The following ZNF441 variants were observed in gnomAD, a reference collection of about 807,000 sequenced individuals.
ZNF441 encodes zinc finger protein 441.
A neutral mutation model predicts 64.5 loss-of-function variants in ZNF441; 25 were observed. The ratio of observed to expected loss-of-function variants is 0.39; its 90% CI spans 0.28 to 0.54. The LOEUF (loss-of-function observed/expected upper bound fraction) is 0.54. Ranked by LOEUF, ZNF441 falls within the 20% of genes least tolerant of loss-of-function variation. The pLI, the probability that ZNF441 is intolerant of heterozygous loss-of-function variation, is 0.70. For missense variants in ZNF441, 715 were observed against 843.3 expected, an observed-to-expected ratio of 0.85 and a Z score of 1.88; for synonymous variants, 262 against 268.0, an observed-to-expected ratio of 0.98 and a Z score of 0.22.
chr19:11,776,405 T>C (rs1975355406), intron 1 of ZNF441, among the ~76,000 whole-genome samples: 1 of 152,252 alleles, frequency 6.6e-6, no homozygotes, highest in South Asian at 2.1e-4. Context: ...TATCTGTTTT[T>C]GGAAAGCTGT....
chr19:11,767,079 T>C lies in ZNF441; in HGVS notation c.-115T>C, dbSNP rs547672164. 1.3e-6 allele frequency: 2 copies of C among 1,504,894 alleles called. No homozygotes were observed. The highest frequency in any genetic ancestry group is 1.4e-5 in the African/African-American group (1 of 72,102). 93.2% of individuals were successfully genotyped at this position (1,504,894 alleles called of 1,614,324 possible). ...TCTTCTCCACGCCCCTGCACTGGGCTCCGGGTTCTGTCACTGAGAGACGCC... is the reference window on the plus strand; with the variant it reads ...TCTTCTCCACGCCCCTGCACTGGGCCCCGGGTTCTGTCACTGAGAGACGCC... On this transcript the variant is annotated 5_prime_UTR_variant, in exon 1 of 4. Transcript: ENST00000357901. The surrounding 1 kb of genome is among the most constrained non-coding windows in gnomAD (Gnocchi z 5.1).
Position 11,774,748 on chromosome 19 carries a change from T to C in ZNF441, c.4-2863T>C, listed in dbSNP as rs532328112. Among the ~76,000 whole-genome samples the C allele has an allele frequency of 3.6e-4, 55 of 152,362 alleles. No individual in the cohort carries two copies. In the South Asian group the frequency reaches 0.011, roughly 30 times the overall value. Reference sequence around the variant, plus strand: ...CTTTAAAGTTTTTATTCAATAAGTCTAATGTCTGAGGTTCTCAGAGATGGT... The same window carrying C: ...CTTTAAAGTTTTTATTCAATAAGTCCAATGTCTGAGGTTCTCAGAGATGGT... On this transcript the variant is annotated intron_variant, in intron 1 of 3. Coordinates refer to ENST00000357901, the MANE Select transcript of ZNF441 (RefSeq NM_152355.3).
Position 11,784,050 on chromosome 19 carries a change from A to G in ZNF441, c.*2144A>G, listed in dbSNP as rs556821100. 2.0e-5 allele frequency: 3 copies of G among 152,334 alleles called. No homozygotes were observed. The highest frequency in any genetic ancestry group is 2.9e-5 in the Non-Finnish European group (2 of 68,032). 9.4% of individuals were successfully genotyped at this position (152,334 alleles called of 1,614,324 possible). On this transcript the variant is annotated 3_prime_UTR_variant, in exon 4 of 4. Transcript: ENST00000357901. The stretch of plus-strand genomic sequence containing the variant: ...TATATGTAAAATATGTATCAATAAA[A>G]GAAAATATATAAGATAGTTTTAAAA...
chr19:11,772,743 C>T (rs944211052), intron 1 of ZNF441, among the ~76,000 whole-genome samples: 3 of 152,100 alleles, frequency 2.0e-5, no homozygotes, highest in African/African-American at 7.2e-5. Context: ...TGGGGTGGCA[C>T]ATCCAGCCAC....
At position 11,781,570 on chromosome 19, in the gene ZNF441, T is replaced by C; in HGVS notation, c.1746T>C (p.Thr582=). ...TTCGAAGACACATGATAACACATAC[T>C]GGAAATGGACCTCATAAATGTAAGA... ...SSFRRHMITH[T]GNGPHKCKIC... Residue 582 remains threonine, a synonymous_variant, in exon 4 of 4, where the codon ACT becomes ACC. Coordinates refer to ENST00000357901, the MANE Select transcript of ZNF441 (RefSeq NM_152355.3). 6.2e-7 allele frequency: 1 copy of C among 1,614,080 alleles called. No individual in the cohort carries two copies. The highest frequency in any genetic ancestry group is 8.5e-7 in the Non-Finnish European group (1 of 1,179,984).
At chr19:11,775,361 G>A (rs535937104) in intron 1 of ZNF441, among the ~76,000 whole-genome samples, 4 of 152,158 alleles carry the variant, frequency 2.6e-5, no homozygotes, top group South Asian at 4.1e-4. Context: ...ATGGAGTCTC[G>A]CGCTGTCGCC....
rs1380805015 is a variant in ZNF441 at position 11,767,514 on chromosome 19, G to T, written c.3+318G>T. On this transcript the variant is annotated intron_variant, in intron 1 of 3. Coordinates refer to ENST00000357901, the MANE Select transcript of ZNF441 (RefSeq NM_152355.3). This position sits in a 1 kb window ranked among gnomAD's most constrained non-coding sequence, Gnocchi z 5.1. ...GCCCGAGTCACTGCACCGAGACGCC[G>T]AGGGCTGCAGCAGAAACAGTTTAAT... Among the ~76,000 whole-genome samples, 3 of 152,242 alleles carry T rather than the reference G, an allele frequency of 2.0e-5. No homozygotes were observed. The highest frequency in any genetic ancestry group is 4.4e-5 in the Non-Finnish European group (3 of 68,042).
Position 11,767,226 on chromosome 19 carries a change from C to A in ZNF441, c.3+30C>A, listed in dbSNP as rs1324323618. 1 of 1,556,666 alleles carries A rather than the reference C, an allele frequency of 6.4e-7. No individual in the cohort carries two copies. The highest frequency in any genetic ancestry group is 1.9e-5 in the Admixed American group (1 of 51,460). The stretch of plus-strand genomic sequence containing the variant: ...GTGTGTGAGGTCTGGTGTCCCGACG[C>A]GTGAGAGGAGAGACTGGTTGGAACC... On this transcript the variant is annotated intron_variant, in intron 1 of 3. Coordinates refer to ENST00000357901, the MANE Select transcript of ZNF441 (RefSeq NM_152355.3). The surrounding 1 kb of genome is among the most constrained non-coding windows in gnomAD (Gnocchi z 5.1).
rs1450818605 is a variant in ZNF441, at chr19:11,783,661, C to G, written c.*1755C>G. 6.6e-6 allele frequency: 1 copy of G among 151,942 alleles called. No homozygotes were observed. The highest frequency in any genetic ancestry group is 1.5e-5 in the Non-Finnish European group (1 of 67,976). The allele number at this position is 151,942 out of a possible 1,614,324, so 9.4% of individuals were successfully genotyped here. On this transcript the variant is annotated 3_prime_UTR_variant, in exon 4 of 4. Coordinates refer to ENST00000357901, the MANE Select transcript of ZNF441 (RefSeq NM_152355.3). ...AGGTCATTATGGTAAGTGAAATAAGCCAGGCACAGAAAGACAAATACCACA... is the reference window on the plus strand; with the variant it reads ...AGGTCATTATGGTAAGTGAAATAAGGCAGGCACAGAAAGACAAATACCACA...
At position 11,780,068 on chromosome 19, in the gene ZNF441, G is replaced by A; in HGVS notation, c.244G>A (p.Gly82Arg). The A allele has an allele frequency of 6.2e-7, 1 of 1,614,114 alleles. No homozygotes were observed. The highest frequency in any genetic ancestry group is 8.5e-7 in the Non-Finnish European group (1 of 1,179,964). The change falls in exon 4 of 4, where the codon GGA becomes AGA. Residue 82 changes from glycine to arginine, a missense_variant. By Grantham distance (125) the Gly-to-Arg change is moderately radical. Around this residue, in one of 2 missense-constraint regions of ZNF441, gnomAD observed 399 missense variants for 413.9 expected, o/e 0.96. Transcript: ENST00000357901. ...TGAAATTAAAGATAATAGTCAATGT[G>A]GAGGACCCTTTACCCAGACTCAAGA... ...ACEIKDNSQC[G>R]GPFTQTQDSI...
Position 11,780,523 on chromosome 19 carries a change from T to G in ZNF441, c.699T>G (p.Phe233Leu), listed in dbSNP as rs1470795404. ...PYEYEQCSTA[F>L]PAYSSTLRHE... Reference sequence around the variant, plus strand: ...AATATGAGCAGTGTTCTACAGCGTTTCCTGCTTATAGTTCCACTCTAAGAC... The same window carrying G: ...AATATGAGCAGTGTTCTACAGCGTTGCCTGCTTATAGTTCCACTCTAAGAC... Residue 233 changes from phenylalanine to leucine, a missense_variant, in exon 4 of 4, where the codon TTT (phenylalanine) becomes TTG (leucine). Physicochemically the swap from Phe to Leu is conservative, Grantham distance 22. Transcript: ENST00000357901. 6.8e-6 allele frequency: 11 copies of G among 1,614,040 alleles called. No homozygotes were observed. The Admixed American group carries it at 1.3e-4, about 20-fold the overall frequency.
At chr19:11,770,961 C>T (rs1200849018) in intron 1 of ZNF441, among the ~76,000 whole-genome samples, 1 of 151,422 alleles carries the variant, frequency 6.6e-6, no homozygotes, top group Non-Finnish European at 1.5e-5. Context: ...TGAATGCAAT[C>T]TCTAGAAAGC....
intron 1 of ZNF441, among the ~76,000 whole-genome samples, chr19:11,769,571 A>G (rs1975296918): frequency 6.6e-6 from 1 of 152,216 alleles, no homozygotes; most frequent in South Asian, 2.1e-4. Context: ...CAAATTTACC[A>G]TAGACTGCAT....
chr19:11,778,223 T>C (rs1049096648), intron 2 of ZNF441, 107 bp from the exon 3 acceptor site: 1 of 771,408 alleles, frequency 1.3e-6, no homozygotes, highest in Non-Finnish European at 2.1e-6. Context: ...AAGACTCAGC[T>C]GTAGTTTGGT....
At position 11,780,790 on chromosome 19, in the gene ZNF441, A is replaced by C; in HGVS notation, c.966A>C (p.Ser322=). The C allele has an allele frequency of 6.2e-7, 1 of 1,614,162 alleles. No homozygotes were observed. The highest frequency in any genetic ancestry group is 1.6e-4 in the Middle Eastern group (1 of 6,062). The change falls in exon 4 of 4, where the codon TCA becomes TCC. Residue 322 remains serine, a synonymous_variant. Coordinates refer to ENST00000357901, the MANE Select transcript of ZNF441 (RefSeq NM_152355.3). ...GAAAAGGCTTTCTTTCTCCCAGTTC[A>C]GTTCGAAGACATAAAAGAACTCACA... ...ICGKGFLSPS[S]VRRHKRTHTG... is the part of the protein sequence containing the mutation.
intron 1 of ZNF441, among the ~76,000 whole-genome samples, chr19:11,776,271 G>A (rs1461380474): frequency 1.3e-5 from 2 of 152,134 alleles, no homozygotes; most frequent in Non-Finnish European, 2.9e-5. Flanking sequence ...TGTGAGGAGG[G>A]ATTGGGACAA....
Position 11,777,749 on chromosome 19 carries a change from A to G in ZNF441, c.130+12A>G, listed in dbSNP as rs752315820. On this transcript the variant is annotated intron_variant, in intron 2 of 3. Transcript: ENST00000357901. Reference sequence around the variant, plus strand: ...CCTGGACTGTATAGGTAAGGATGTCATCATGTCTTCACTTAGTCAATTAGA... The same window carrying G: ...CCTGGACTGTATAGGTAAGGATGTCGTCATGTCTTCACTTAGTCAATTAGA... 3 of 1,599,174 alleles carry G rather than the reference A, an allele frequency of 1.9e-6. No homozygotes were observed. The Admixed American group carries it at 5.4e-5, about 29-fold the overall frequency.
chr19:11,777,075 G>A (rs1975361135), intron 1 of ZNF441, among the ~76,000 whole-genome samples: 2 of 152,188 alleles, frequency 1.3e-5, no homozygotes, highest in Admixed American at 1.3e-4. Flanking sequence ...CTTCCAAAGT[G>A]CTGGGATTAC....
chr19:11,770,412 C>G (rs1321116775), intron 1 of ZNF441, among the ~76,000 whole-genome samples: 1 of 152,136 alleles, frequency 6.6e-6, no homozygotes, highest in African/African-American at 2.4e-5. Context: ...AAGAGCCAAA[C>G]CATATTATCA....
Sources: gnomAD v4.1 joint callset for allele counts (sites outside exome capture counted in the v4.1 genomes callset) on GRCh38, gnomAD v4.1.1 for gene constraint, gnomAD v4.1.1 regional missense constraint, Gnocchi (gnomAD v3.1) non-coding constraint, MANE v1.5 for transcripts, NCBI Gene and HGNC (gene_info 2026-07-23, HGNC 2026-07-21) for gene names.